Variants in C12orf42 observed in about 807,000 individuals in gnomAD.
C12orf42 encodes uncharacterized protein C12orf42.
In C12orf42, 25 loss-of-function variants were observed where a neutral mutation model predicts 21.6. The ratio of observed to expected loss-of-function variants is 1.16; its 90% CI spans 0.84 to 1.62. The LOEUF (loss-of-function observed/expected upper bound fraction) is 1.62. C12orf42 is among the 40% of genes most tolerant of loss of function. The pLI is 0.00. For synonymous variants in C12orf42, 174 were observed against 175.0 expected, an observed-to-expected ratio of 0.99 and a Z score of 0.05; for missense variants, 483 against 459.3, an observed-to-expected ratio of 1.05 and a Z score of -0.47.
At chr12:103,484,589 T>G (rs1420085999) in intron 1 of C12orf42, among the ~76,000 whole-genome samples, 3 of 152,164 alleles carry the variant, frequency 2.0e-5, no homozygotes, top group Non-Finnish European at 4.4e-5. Context: ...TGCAAAAAAT[T>G]TTCTCCCATT....
chr12:103,360,592 A>G (rs2044007464), intron 4 of C12orf42, among the ~76,000 whole-genome samples: 1 of 150,836 alleles, frequency 6.6e-6, no homozygotes, highest in African/African-American at 2.4e-5. Context: ...CAAATCTTGA[A>G]GTCACATATT....
At chr12:103,133,940 T>C in the C12orf42 span, among the ~76,000 whole-genome samples, 1 of 152,224 alleles carries the variant, frequency 6.6e-6, no homozygotes, top group Admixed American at 6.5e-5. Context: ...TCTGCCATGA[T>C]TGTACATCTC....
chr12:103,369,608 A>T (rs187406806), intron 3 of C12orf42, among the ~76,000 whole-genome samples: 52 of 152,006 alleles, frequency 3.4e-4, no homozygotes, highest in Non-Finnish European at 4.4e-5. Context: ...GGGGGAGAGG[A>T]GGCTCTTAAA....
At position 103,368,306 on chromosome 12, in the gene C12orf42, G is replaced by GTCTC. The variant is rs34930196; in HGVS notation, c.259+577_259+580dup. Among the ~76,000 whole-genome samples, 1,096 of 147,580 alleles carry GTCTC rather than the reference G, an allele frequency of 7.4e-3. 8 individuals are homozygous for GTCTC. Among genetic ancestry groups the GTCTC allele is most frequent in the African/African-American group, 0.017 (674 of 39,560 alleles). On this transcript the variant is annotated intron_variant, in intron 4 of 5. Transcript: ENST00000548883. Reference sequence around the variant, plus strand: ...TTTATCTGCCTTTCTCTCTCTTTCTGTCTCTCTCTCTCACACACACACACA... The same window carrying GTCTC: ...TTTATCTGCCTTTCTCTCTCTTTCTGTCTCTCTCTCTCTCTCACACACACACACA...
At chr12:103,099,859 T>C in the C12orf42 span, among the ~76,000 whole-genome samples, 1 of 152,196 alleles carries the variant, frequency 6.6e-6, no homozygotes, top group African/African-American at 2.4e-5. Flanking sequence ...TGAGCAAATA[T>C]ACCAAGTTTT....
intron 3 of C12orf42, among the ~76,000 whole-genome samples, chr12:103,373,533 A>C (rs1330779386): frequency 6.6e-6 from 1 of 152,040 alleles, no homozygotes; most frequent in Non-Finnish European, 1.5e-5. Context: ...ATGAAGGCAT[A>C]TTTTCTTTCT....
the C12orf42 span, among the ~76,000 whole-genome samples, chr12:103,149,983 T>G: frequency 1.3e-5 from 2 of 152,234 alleles, no homozygotes; most frequent in Non-Finnish European, 2.9e-5. Context: ...CATTATTTTT[T>G]ATAACATCCT....
At chr12:103,356,547 G>A (rs1386630825) in intron 4 of C12orf42, among the ~76,000 whole-genome samples, 4 of 151,726 alleles carry the variant, frequency 2.6e-5, no homozygotes, top group Admixed American at 1.3e-4. Context: ...CCCAGTAATG[G>A]GATGGCTGGG....
the C12orf42 span, among the ~76,000 whole-genome samples, chr12:103,180,732 G>A: frequency 2.8e-5 from 4 of 141,282 alleles, no homozygotes; most frequent in African/African-American, 5.3e-5. Flanking sequence ...GGGTTCAAGC[G>A]ATTCTCCTGC....
At chr12:103,524,837 A>G in the C12orf42 span, among the ~76,000 whole-genome samples, 2 of 152,274 alleles carry the variant, frequency 1.3e-5, no homozygotes, top group South Asian at 4.1e-4. Flanking sequence ...CAGTGACAAG[A>G]AAAGTTCAGC....
intron 2 of C12orf42, among the ~76,000 whole-genome samples, chr12:103,416,915 T>C (rs1440602812): frequency 6.6e-6 from 1 of 152,176 alleles, no homozygotes; most frequent in Non-Finnish European, 1.5e-5. Flanking sequence ...AACTAGTATG[T>C]GCAAGGAGAA....
At chr12:103,190,365 T>C in the C12orf42 span, among the ~76,000 whole-genome samples, 2 of 149,406 alleles carry the variant, frequency 1.3e-5, no homozygotes, top group African/African-American at 2.4e-5. Context: ...AGGGTAGGCC[T>C]TCCTCTCCCA....
At chr12:103,099,156 G>C in the C12orf42 span, among the ~76,000 whole-genome samples, 1 of 152,150 alleles carries the variant, frequency 6.6e-6, no homozygotes, top group African/African-American at 2.4e-5. Context: ...ATTTGCAAGG[G>C]CTGTGAGTTG....
At chr12:103,536,934 T>C in the C12orf42 span, among the ~76,000 whole-genome samples, 1 of 152,162 alleles carries the variant, frequency 6.6e-6, no homozygotes, top group Non-Finnish European at 1.5e-5. Flanking sequence ...TGCTATAGTG[T>C]CTACCTTTTT....
intron 4 of C12orf42, among the ~76,000 whole-genome samples, chr12:103,368,278 CTCTT>C (rs10588910): frequency 0.11 from 16,403 of 151,298 alleles, 1,150 homozygotes; most frequent in African/African-American, 0.2. Flanking sequence ...ACTATTCTCT[CTCTT>C]TATCTGCCTT....
intron 4 of C12orf42, among the ~76,000 whole-genome samples, chr12:103,335,082 C>T (rs373869573): frequency 6.6e-6 from 1 of 152,140 alleles, no homozygotes; most frequent in Non-Finnish European, 1.5e-5. Flanking sequence ...GGCTGGAATC[C>T]AATGGGAGAT....
the C12orf42 span, among the ~76,000 whole-genome samples, chr12:103,067,123 T>G: frequency 6.6e-6 from 1 of 152,192 alleles, no homozygotes; most frequent in Non-Finnish European, 1.5e-5. Context: ...AGCTACCTGA[T>G]GGCAGGTTGA....
At chr12:103,533,147 A>G in the C12orf42 span, among the ~76,000 whole-genome samples, 2 of 152,224 alleles carry the variant, frequency 1.3e-5, no homozygotes, top group South Asian at 4.1e-4. Flanking sequence ...ACTTTTTGCA[A>G]CAATGGTGGT....
rs1388119125 is a variant in C12orf42, at chr12:103,256,109, TATACACACACAC to T, written c.*1366+7205_*1366+7216del. Among the ~76,000 whole-genome samples, 27 of 43,814 alleles carry T rather than the reference TATACACACACAC, an allele frequency of 6.2e-4. 1 individual carries two copies. Among genetic ancestry groups the T allele is most frequent in the African/African-American group, 2.2e-3 (25 of 11,166 alleles). The allele number at this position is 43,814 out of a possible 152,430, so 28.7% of individuals were successfully genotyped here. Reference sequence around the variant, plus strand: ...AAATATATATATATATATATATATATATACACACACACACACACACACACACACACACACACG... The same window carrying T: ...AAATATATATATATATATATATATATACACACACACACACACACACACACG... On this transcript the variant is annotated intron_variant and NMD_transcript_variant, in intron 10 of 10. Transcript: ENST00000547347.
Sources: allele counts gnomAD v4.1 joint callset (sites outside exome capture counted in the v4.1 genomes callset), GRCh38; gene constraint gnomAD v4.1.1; transcripts MANE v1.5; gene names NCBI Gene and HGNC (gene_info 2026-07-23, HGNC 2026-07-21).